KLHL2: variants seen among roughly 807,000 people sequenced by gnomAD.
KLHL2 encodes kelch-like protein 2.
Under a neutral mutation model 75.8 loss-of-function variants are expected in KLHL2, and 15 were observed. The ratio of observed to expected loss-of-function variants is 0.20; its 90% confidence interval spans 0.13 to 0.30. KLHL2 has a LOEUF of 0.30. KLHL2 is among the 10% of genes least tolerant of loss of function. KLHL2 has a pLI of 1.00. For missense variants in KLHL2, 381 were observed against 741.0 expected (o/e 0.51, Z 5.64); for synonymous variants, 214 against 251.9 (o/e 0.85, Z 1.42).
At chr4:165,248,137 A>G (rs114597618) in intron 4 of KLHL2, among the ~76,000 whole-genome samples, 9,884 of 152,278 alleles carry the variant, frequency 0.065, 441 homozygotes, top group Middle Eastern at 0.13. Context: ...TTATTCTGGA[A>G]TAAGAAAGTC....
chr4:165,280,258 T>A (rs1419720749), intron 5 of KLHL2, among the ~76,000 whole-genome samples: 1 of 152,216 alleles, frequency 6.6e-6, no homozygotes, highest in African/African-American at 2.4e-5. Flanking sequence ...AACCCTTGCT[T>A]ATAATCTAAC....
At chr4:165,223,809 A>G (rs1194757153) in intron 2 of KLHL2, 1 of 193,396 alleles carries the variant, frequency 5.2e-6, no homozygotes, top group Admixed American at 6.1e-5. Context: ...AAACACCAAC[A>G]TTTTCAAAAT....
intron 14 of KLHL2, among the ~76,000 whole-genome samples, chr4:165,321,737 A>G (rs57720293): frequency 0.36 from 54,384 of 152,032 alleles, 10,225 homozygotes; most frequent in Middle Eastern, 0.49. Context: ...CATATCCATC[A>G]TGCTCAAAAG....
At chr4:165,310,188 G>A (rs528080095) in intron 9 of KLHL2, among the ~76,000 whole-genome samples, 135 of 152,224 alleles carry the variant, frequency 8.9e-4, no homozygotes, top group African/African-American at 2.7e-3. Flanking sequence ...AGTTGGGTGT[G>A]GTGGCGGGCG....
At chr4:165,263,802 ATTGTTTTTT>A (rs1369522964) in intron 5 of KLHL2, among the ~76,000 whole-genome samples, 2,572 of 93,532 alleles carry the variant, frequency 0.027, 77 homozygotes, top group African/African-American at 0.081. Flanking sequence ...GATTTTTTAC[ATTGTTTTTT>A]TTTTTTTTTT....
intron 5 of KLHL2, among the ~76,000 whole-genome samples, chr4:165,267,888 A>G (rs1742362216): frequency 6.6e-6 from 1 of 152,216 alleles, no homozygotes; most frequent in Non-Finnish European, 1.5e-5. Context: ...AAGGAATGGT[A>G]TCAGCTCCTC....
chr4:165,222,575 CCAA>C (rs1210795912), intron 2 of KLHL2, among the ~76,000 whole-genome samples: 4 of 152,012 alleles, frequency 2.6e-5, no homozygotes, highest in African/African-American at 9.7e-5. Context: ...AATGAAAGTG[CCAA>C]CAACAACAGT....
At chr4:165,229,927 G>A (rs1189961811) in intron 3 of KLHL2, among the ~76,000 whole-genome samples, 1 of 152,242 alleles carries the variant, frequency 6.6e-6, no homozygotes, top group East Asian at 1.9e-4. Context: ...GGAGACCAGA[G>A]CCCCGCTCAG....
chr4:165,293,948 T>C (rs1744717479), intron 5 of KLHL2, among the ~76,000 whole-genome samples: 1 of 152,238 alleles, frequency 6.6e-6, no homozygotes, highest in Non-Finnish European at 1.5e-5. Context: ...TTTCACATGA[T>C]ATGACATGTA....
At position 165,294,484 on chromosome 4, in the gene KLHL2, T is replaced by C. The variant is rs753393682; in HGVS notation, c.654+16T>C. 1.4e-6 allele frequency: 2 copies of C among 1,435,490 alleles called. No individual in the cohort carries two copies. The highest frequency in any genetic ancestry group is 1.7e-5 in the Admixed American group (1 of 57,214). The allele number at this position is 1,435,490 out of a possible 1,614,324, so 88.9% of individuals were successfully genotyped here. On this transcript the variant is annotated intron_variant, in intron 6 of 14. Transcript: ENST00000226725. ...AGAAGAGAAGGTAAGGATATTTTTCTTTTCCCAGTGTGCAATGATGTTTCC... is the reference window on the plus strand; with the variant it reads ...AGAAGAGAAGGTAAGGATATTTTTCCTTTCCCAGTGTGCAATGATGTTTCC...
intron 8 of KLHL2, among the ~76,000 whole-genome samples, chr4:165,301,871 G>A (rs1488977154): frequency 6.6e-6 from 1 of 151,800 alleles, no homozygotes; most frequent in Non-Finnish European, 1.5e-5. Flanking sequence ...GAGTGAAAGT[G>A]AATTCATTTT....
At chr4:165,295,262 AT>A (rs1744822719) in intron 6 of KLHL2, among the ~76,000 whole-genome samples, 1 of 152,202 alleles carries the variant, frequency 6.6e-6, no homozygotes, top group African/African-American at 2.4e-5. Context: ...TGTGCTTAGC[AT>A]TTCAAGTTGT....
intron 5 of KLHL2, among the ~76,000 whole-genome samples, chr4:165,266,702 A>G (rs1742270417): frequency 6.6e-6 from 1 of 152,176 alleles, no homozygotes; most frequent in Non-Finnish European, 1.5e-5. Flanking sequence ...TACCAGTACC[A>G]TGCTGTTTTG....
At chr4:165,250,979 G>C (rs1444072884) in intron 4 of KLHL2, among the ~76,000 whole-genome samples, 1 of 152,158 alleles carries the variant, frequency 6.6e-6, no homozygotes, top group Non-Finnish European at 1.5e-5. Flanking sequence ...GACATGTAAT[G>C]GTTAGAGAAA....
intron 2 of KLHL2, 51 bp from the exon 3 acceptor site, chr4:165,228,756 T>C: frequency 8.8e-7 from 1 of 1,132,990 alleles, no homozygotes; most frequent in Non-Finnish European, 1.3e-6. Flanking sequence ...GGATGTTCAA[T>C]ACATTCGTTG....
At chr4:165,260,464 A>C (rs2111219595) in intron 4 of KLHL2, among the ~76,000 whole-genome samples, 1 of 152,268 alleles carries the variant, frequency 6.6e-6, no homozygotes, top group South Asian at 2.1e-4. Flanking sequence ...CTACAATTTT[A>C]TGAATTTCGG....
chr4:165,293,577 A>G (rs569394791), intron 5 of KLHL2, among the ~76,000 whole-genome samples: 1 of 149,372 alleles, frequency 6.7e-6, no homozygotes, highest in East Asian at 2.0e-4. Flanking sequence ...ATCTCAGCTC[A>G]CTGCAAGCTT....
rs1560824011 is a variant in KLHL2 at position 165,305,647 on chromosome 4, C to T, written c.961C>T (p.Arg321Trp). 1 of 1,614,064 alleles carries T rather than the reference C, an allele frequency of 6.2e-7. No individual in the cohort carries two copies. Among genetic ancestry groups the T allele is most frequent in the Non-Finnish European group, 8.5e-7 (1 of 1,179,978 alleles). The stretch of plus-strand genomic sequence containing the variant: ...TGGGGGCCAAGCACCAAAGGCTATC[C>T]GGAGTGTGGAATGCTATGACTTTAA... ...VVGGQAPKAI[R>W]SVECYDFKEE... The change falls in exon 9 of 15, where the codon CGG (arginine) becomes TGG (tryptophan). Residue 321 changes from arginine to tryptophan, a missense_variant. Arg to Trp is a moderately radical substitution (Grantham distance 101, BLOSUM62 -3). Transcript: ENST00000226725.
At chr4:165,247,627 G>C (rs962222206) in intron 4 of KLHL2, among the ~76,000 whole-genome samples, 5 of 152,200 alleles carry the variant, frequency 3.3e-5, no homozygotes, top group Non-Finnish European at 5.9e-5. Flanking sequence ...CTGTTAACCA[G>C]AGAGAAGGCA....
Sources: allele counts gnomAD v4.1 joint callset (sites outside exome capture counted in the v4.1 genomes callset), GRCh38; gene constraint gnomAD v4.1.1; transcripts MANE v1.5; gene names NCBI Gene and HGNC (gene_info 2026-07-23, HGNC 2026-07-21).